Variants in VDAC1 observed in about 807,000 individuals in gnomAD.
The protein encoded by VDAC1 is non-selective voltage-gated ion channel VDAC1.
Under a neutral mutation model 34.7 loss-of-function variants are expected in VDAC1, and 10 were observed. That is an observed-to-expected ratio of 0.29 (90% CI 0.18 to 0.49). VDAC1 has a LOEUF of 0.49. Among genes scored for constraint, VDAC1 ranks in the 20% least tolerant of loss-of-function variants. VDAC1 has a pLI of 0.99. For missense variants in VDAC1, 230 were observed against 347.9 expected, an observed-to-expected ratio of 0.66 and a Z score of 2.69; for synonymous variants, 130 against 136.0, an observed-to-expected ratio of 0.96 and a Z score of 0.30.
chr5:134,056,309 T>G, the VDAC1 span, among the ~76,000 whole-genome samples: 2 of 152,002 alleles, frequency 1.3e-5, no homozygotes, highest in Admixed American at 6.6e-5. Flanking sequence ...AGATATGATT[T>G]TTGCATAAAT....
chr5:134,085,114 G>A, the VDAC1 span, among the ~76,000 whole-genome samples: 13 of 151,602 alleles, frequency 8.6e-5, no homozygotes, highest in Admixed American at 2.0e-4. Flanking sequence ...TGCTGCCCAG[G>A]CTGGAGTGCA....
At chr5:134,080,108 A>T in the VDAC1 span, among the ~76,000 whole-genome samples, 1 of 152,238 alleles carries the variant, frequency 6.6e-6, no homozygotes, top group Admixed American at 6.5e-5. Flanking sequence ...AGAGGCCACA[A>T]GATGTGTGAC....
At chr5:134,064,199 C>T in the VDAC1 span, among the ~76,000 whole-genome samples, 2 of 151,814 alleles carry the variant, frequency 1.3e-5, no homozygotes, top group East Asian at 1.9e-4. Flanking sequence ...TTTTTTCTTC[C>T]ACTGTAATTT....
the VDAC1 span, among the ~76,000 whole-genome samples, chr5:134,061,967 T>G: frequency 4.6e-5 from 7 of 151,560 alleles, no homozygotes; most frequent in Non-Finnish European, 7.4e-5. Context: ...CAAGAATTGT[T>G]TTTTGGGTTT....
At position 133,997,554 on chromosome 5, in the gene VDAC1, A is replaced by T. The variant is rs940135699; in HGVS notation, c.-6-4536T>A. Among the ~76,000 whole-genome samples, 215 of 143,558 alleles carry T rather than the reference A, an allele frequency of 1.5e-3. 1 individual carries two copies. The highest frequency in any genetic ancestry group is 5.7e-3 in the African/African-American group (204 of 35,848). 94.2% of individuals were successfully genotyped at this position (143,558 alleles called of 152,430 possible). ...CTCTACTAAAAATAAAAAAAAAATA[A>T]AAAAAAAAAATCACCCAGGTGTGAT... On this transcript the variant is annotated intron_variant, in intron 1 of 8. Coordinates refer to ENST00000265333, the MANE Select transcript of VDAC1 (RefSeq NM_003374.3).
the VDAC1 span, among the ~76,000 whole-genome samples, chr5:134,069,831 C>CG: frequency 6.6e-6 from 1 of 151,986 alleles, no homozygotes; most frequent in Admixed American, 6.6e-5. Context: ...GATAGGAGGT[C>CG]GGGACAAGAT....
intron 1 of VDAC1, among the ~76,000 whole-genome samples, chr5:133,993,388 G>A (rs1753178801): frequency 6.6e-6 from 1 of 152,198 alleles, no homozygotes; most frequent in African/African-American, 2.4e-5. Flanking sequence ...TAGGACTGTT[G>A]CCAATAAAAC....
chr5:133,991,275 G>T, intron 3 of VDAC1, 121 bp from the exon 4 acceptor site: 1 of 1,236,164 alleles, frequency 8.1e-7, no homozygotes, highest in Non-Finnish European at 1.1e-6. Flanking sequence ...GGGGGCCAAG[G>T]CTAACTCTAC....
At chr5:133,995,853 C>T (rs534197186) in intron 1 of VDAC1, among the ~76,000 whole-genome samples, 1 of 152,318 alleles carries the variant, frequency 6.6e-6, no homozygotes, top group South Asian at 2.1e-4. Context: ...AAAGAAAAGT[C>T]GGCAACAAAG....
chr5:134,053,541 C>G, the VDAC1 span, among the ~76,000 whole-genome samples: 1 of 152,206 alleles, frequency 6.6e-6, no homozygotes, highest in Non-Finnish European at 1.5e-5. Flanking sequence ...GAGTCAGACC[C>G]GGAGGACCTC....
At chr5:134,065,691 C>T in the VDAC1 span, among the ~76,000 whole-genome samples, 2 of 151,338 alleles carry the variant, frequency 1.3e-5, no homozygotes, top group Non-Finnish European at 2.9e-5. Flanking sequence ...ATAATATAGT[C>T]AGTATGATAG....
the VDAC1 span, among the ~76,000 whole-genome samples, chr5:134,063,805 T>C: frequency 1.3e-5 from 2 of 152,044 alleles, no homozygotes; most frequent in Non-Finnish European, 1.5e-5. Flanking sequence ...AATAAAATGA[T>C]TGTTGTCTAA....
chr5:134,053,764 C>T, the VDAC1 span, among the ~76,000 whole-genome samples: 1 of 152,326 alleles, frequency 6.6e-6, no homozygotes, highest in Non-Finnish European at 1.5e-5. Flanking sequence ...CAGCGCCTGC[C>T]TTCACCTAGG....
chr5:134,052,034 G>C, the VDAC1 span, among the ~76,000 whole-genome samples: 7,920 of 152,150 alleles, frequency 0.052, 326 homozygotes, highest in African/African-American at 0.12. Context: ...GCAACAGCGG[G>C]TACAAGCAAG....
At chr5:134,034,815 G>C in the VDAC1 span, among the ~76,000 whole-genome samples, 1 of 151,756 alleles carries the variant, frequency 6.6e-6, no homozygotes, top group Non-Finnish European at 1.5e-5. Context: ...TGCGAGTAAG[G>C]AAAGGAGCAA....
chr5:134,107,819 T>A, the VDAC1 span, among the ~76,000 whole-genome samples: 6 of 152,312 alleles, frequency 3.9e-5, no homozygotes, highest in Admixed American at 2.6e-4. Context: ...TCTTCCCAGC[T>A]CTTTGAGACA....
At chr5:134,090,651 C>T in the VDAC1 span, among the ~76,000 whole-genome samples, 6 of 152,196 alleles carry the variant, frequency 3.9e-5, no homozygotes, top group Admixed American at 6.5e-5. Flanking sequence ...CGCTCAAGGT[C>T]GCAGCCCTTG....
At chr5:134,084,775 C>T in the VDAC1 span, among the ~76,000 whole-genome samples, 1 of 152,256 alleles carries the variant, frequency 6.6e-6, no homozygotes, top group Non-Finnish European at 1.5e-5. Context: ...AGGGGTTAGG[C>T]TGATGCAAAT....
At chr5:134,082,557 T>C in the VDAC1 span, among the ~76,000 whole-genome samples, 7 of 152,216 alleles carry the variant, frequency 4.6e-5, no homozygotes, top group Admixed American at 1.3e-4. Flanking sequence ...TGGGTGGACA[T>C]GTTTTAATTT....
Sources: allele counts gnomAD v4.1 joint callset (sites outside exome capture counted in the v4.1 genomes callset), GRCh38; gene constraint gnomAD v4.1.1; transcripts MANE v1.5; gene names NCBI Gene and HGNC (gene_info 2026-07-23, HGNC 2026-07-21).